Variants in YBEY observed in about 807,000 individuals in gnomAD.
YBEY encodes endoribonuclease YbeY.
A neutral mutation model predicts 13.5 loss-of-function variants in YBEY; 15 were observed. The ratio of observed to expected loss-of-function variants is 1.11; its 90% CI spans 0.75 to 1.72. The LOEUF is 1.72. Among genes scored for constraint, YBEY ranks in the 40% most tolerant of loss-of-function variants. The probability of loss-of-function intolerance (pLI) is 0.00; values close to 1 mark genes in which losing one functional copy is unlikely to be tolerated. For synonymous variants in YBEY, 101 were observed against 83.1 expected, an observed-to-expected ratio of 1.21 and a Z score of -1.17; for missense variants, 244 against 208.4, an observed-to-expected ratio of 1.17 and a Z score of -1.05.
Position 46,292,449 on chromosome 21 carries a change from C to T in YBEY, c.339+987C>T, listed in dbSNP as rs116043066. ...TTCGGTCTTGAGCAAGGAGGGGATTCGTTTTAGGGAGGGATGATTACTATT... is the reference window on the plus strand; with the variant it reads ...TTCGGTCTTGAGCAAGGAGGGGATTTGTTTTAGGGAGGGATGATTACTATT... On this transcript the variant is annotated intron_variant, in intron 3 of 4. Transcript: ENST00000397701. Among the ~76,000 whole-genome samples, 400 of 152,022 alleles carry T rather than the reference C, an allele frequency of 2.6e-3. 4 individuals are homozygous for T. Among genetic ancestry groups the T allele is most frequent in the African/African-American group, 8.9e-3 (368 of 41,286 alleles).
chr21:46,296,263 G>A (rs750503122), intron 4 of YBEY, 33 bp downstream of exon 4: 1 of 1,611,962 alleles, frequency 6.2e-7, no homozygotes, highest in South Asian at 1.1e-5. Flanking sequence ...TACCGAGGGG[G>A]TGCGTGGGGG....
chr21:46,287,240 G>A (rs2081484178), intron 2 of YBEY, 117 bp downstream of exon 2: 2 of 998,260 alleles, frequency 2.0e-6, no homozygotes, highest in Non-Finnish European at 2.9e-6. Flanking sequence ...CTGTCACCCA[G>A]GCTGGAGTGC....
intron 2 of YBEY, among the ~76,000 whole-genome samples, chr21:46,289,217 T>C (rs1232598676): frequency 2.6e-5 from 4 of 152,130 alleles, no homozygotes; most frequent in Non-Finnish European, 5.9e-5. Context: ...GTCGTGTCCA[T>C]GTGATGATTT....
chr21:46,301,821 G>A (rs1174782786), downstream of YBEY: 30 of 1,262,162 alleles, frequency 2.4e-5, 1 homozygote, highest in Admixed American at 1.2e-3. Flanking sequence ...ATGGCCCCGT[G>A]ACCAGAAAGC....
At chr21:46,305,893 G>A in the YBEY span, among the ~76,000 whole-genome samples, 3 of 151,954 alleles carry the variant, frequency 2.0e-5, no homozygotes, top group Non-Finnish European at 4.4e-5. Context: ...AGTGAGCTGA[G>A]ATTGCGCCAC....
downstream of YBEY, chr21:46,302,490 G>A: frequency 6.2e-7 from 1 of 1,608,058 alleles, no homozygotes; most frequent in Non-Finnish European, 8.5e-7. Flanking sequence ...CCTACCTGCA[G>A]GGCTGGGGGC....
chr21:46,303,180 T>A, the YBEY span, among the ~76,000 whole-genome samples: 3 of 150,466 alleles, frequency 2.0e-5, no homozygotes, highest in African/African-American at 7.3e-5. Flanking sequence ...AAAAAAAAAA[T>A]TAAAACATCT....
chr21:46,295,165 T>C (rs1601598996), intron 3 of YBEY, among the ~76,000 whole-genome samples: 1 of 152,102 alleles, frequency 6.6e-6, no homozygotes, highest in African/African-American at 2.4e-5. Flanking sequence ...CCCCTGGCAT[T>C]TCTTCCTCGG....
At chr21:46,297,969 G>A (rs1385722369), downstream of YBEY, among the ~76,000 whole-genome samples, 6 of 142,784 alleles carry the variant, frequency 4.2e-5, no homozygotes, top group South Asian at 1.1e-3. Flanking sequence ...CCGTAGAAAA[G>A]GCTTGCGTCA....
chr21:46,300,665 T>C, downstream of YBEY: 2 of 1,270,386 alleles, frequency 1.6e-6, no homozygotes, highest in South Asian at 2.5e-5. Flanking sequence ...CAGGTGGCTG[T>C]CCCTGGGGAG....
At chr21:46,299,411 G>A (rs912323471), downstream of YBEY, among the ~76,000 whole-genome samples, 2 of 152,082 alleles carry the variant, frequency 1.3e-5, no homozygotes, top group Non-Finnish European at 2.9e-5. Context: ...TAGGAGTGGG[G>A]GCTCACAGGT....
At chr21:46,297,507 T>G in intron 4 of YBEY, 32 bp from the exon 5 acceptor site, 1 of 1,349,688 alleles carries the variant, frequency 7.4e-7, no homozygotes. Flanking sequence ...ACACCTTCCC[T>G]GGGGAGGGCC....
At chr21:46,288,610 C>G (rs777642391) in intron 2 of YBEY, among the ~76,000 whole-genome samples, 2 of 151,534 alleles carry the variant, frequency 1.3e-5, no homozygotes, top group African/African-American at 4.8e-5. Flanking sequence ...ACCAGGAAGT[C>G]GGAGGTTGCA....
chr21:46,306,834 C>T, the YBEY span, among the ~76,000 whole-genome samples: 2 of 151,808 alleles, frequency 1.3e-5, no homozygotes, highest in African/African-American at 2.4e-5. Context: ...GCAATCCTCC[C>T]ACCTCGGCCT....
At chr21:46,291,766 C>A in intron 3 of YBEY, 1 of 1,103,570 alleles carries the variant, frequency 9.1e-7, no homozygotes, top group Non-Finnish European at 1.1e-6. Context: ...GAATCAGCTT[C>A]TTTCTGAGCT....
At chr21:46,310,796 T>C in the YBEY span, among the ~76,000 whole-genome samples, 1 of 151,510 alleles carries the variant, frequency 6.6e-6, no homozygotes, top group Non-Finnish European at 1.5e-5. Flanking sequence ...GGCAACAAAG[T>C]AAGACACTCT....
the YBEY span, among the ~76,000 whole-genome samples, chr21:46,310,440 T>C: frequency 4.6e-5 from 7 of 150,672 alleles, no homozygotes; most frequent in East Asian, 5.8e-4. Flanking sequence ...GATGGCGCCA[T>C]TGCACTCCTA....
chr21:46,298,167 G>GT (rs2082012218), downstream of YBEY, among the ~76,000 whole-genome samples: 1 of 152,198 alleles, frequency 6.6e-6, no homozygotes, highest in African/African-American at 2.4e-5. Flanking sequence ...AGAGACCTGC[G>GT]TGAGTTCTAA....
chr21:46,288,340 T>G (rs2839198), intron 2 of YBEY, among the ~76,000 whole-genome samples: 1 of 152,136 alleles, frequency 6.6e-6, no homozygotes, highest in Non-Finnish European at 1.5e-5. Context: ...TTCAAACACA[T>G]GTATCCTTTA....
Sources: gnomAD v4.1 joint callset for allele counts (sites outside exome capture counted in the v4.1 genomes callset) on GRCh38, gnomAD v4.1.1 for gene constraint, MANE v1.5 for transcripts, NCBI Gene and HGNC (gene_info 2026-07-23, HGNC 2026-07-21) for gene names.